CCDC7: variants seen among roughly 807,000 people sequenced by gnomAD.
CCDC7 encodes coiled-coil domain-containing protein 7.
CCDC7 carries 183 observed loss-of-function variants against 196.9 expected under a neutral mutation model. The observed-to-expected ratio is 0.93, with a 90% CI of 0.82 to 1.05. CCDC7 has a LOEUF of 1.05. Among genes scored for constraint, CCDC7 ranks in the 50% least tolerant of loss-of-function variants. CCDC7 has a pLI of 0.00. For missense variants in CCDC7, 1,540 were observed against 1,482.2 expected (o/e 1.04, Z -0.64); for synonymous variants, 525 against 484.6 (o/e 1.08, Z -1.10).
intron 33 of CCDC7, among the ~76,000 whole-genome samples, chr10:32,836,868 C>A (rs981676081): frequency 1.4e-4 from 22 of 152,146 alleles, no homozygotes; most frequent in African/African-American, 5.3e-4. Context: ...ACTGGCTAGC[C>A]ATATGTAGAA....
At chr10:32,635,655 A>G (rs564200234) in intron 20 of CCDC7, among the ~76,000 whole-genome samples, 36 of 152,122 alleles carry the variant, frequency 2.4e-4, no homozygotes, top group Non-Finnish European at 4.4e-4. Flanking sequence ...CAAAACAAAC[A>G]AACAAACAAA....
chr10:32,771,046 T>G (rs943298873), intron 28 of CCDC7, among the ~76,000 whole-genome samples: 8 of 152,196 alleles, frequency 5.3e-5, no homozygotes, highest in African/African-American at 1.9e-4. Context: ...ATTCTGAATA[T>G]TTTAAGTGGA....
At chr10:32,851,721 T>C in intron 39 of CCDC7, 86 bp from the exon 41 acceptor site, 5 of 1,236,592 alleles carry the variant, frequency 4.0e-6, no homozygotes, top group Non-Finnish European at 5.7e-6. Flanking sequence ...TGCTTTGATG[T>C]TGTGTGCATA....
At chr10:32,591,678 A>G (rs2059796264) in intron 18 of CCDC7, among the ~76,000 whole-genome samples, 1 of 152,170 alleles carries the variant, frequency 6.6e-6, no homozygotes, top group African/African-American at 2.4e-5. Context: ...TAAAAGGCAG[A>G]GGAGTCTCAC....
chr10:32,759,614 C>T (rs1026604281), intron 28 of CCDC7, among the ~76,000 whole-genome samples: 3 of 152,044 alleles, frequency 2.0e-5, no homozygotes, highest in Non-Finnish European at 4.4e-5. Flanking sequence ...TAAAGACTTA[C>T]ATGGTAGACC....
chr10:32,546,169 G>A (rs1241059457), intron 13 of CCDC7, among the ~76,000 whole-genome samples: 3 of 152,136 alleles, frequency 2.0e-5, no homozygotes, highest in Non-Finnish European at 4.4e-5. Context: ...TTTATGAAAG[G>A]ATTCTGTAAG....
chr10:32,592,969 T>A (rs2137913289), intron 18 of CCDC7, among the ~76,000 whole-genome samples: 1 of 152,362 alleles, frequency 6.6e-6, no homozygotes, highest in South Asian at 2.1e-4. Context: ...TTTGGTTGGT[T>A]CCAAGTCTTT....
chr10:32,661,387 G>C (rs1048070454), intron 20 of CCDC7, among the ~76,000 whole-genome samples: 2 of 151,870 alleles, frequency 1.3e-5, no homozygotes, highest in African/African-American at 4.8e-5. Flanking sequence ...CTGTAAACTA[G>C]TTCAACCATT....
intron 20 of CCDC7, among the ~76,000 whole-genome samples, chr10:32,646,908 C>T (rs7924198): frequency 0.14 from 21,039 of 152,156 alleles, 1,761 homozygotes; most frequent in East Asian, 0.25. Context: ...GCAAAGGACA[C>T]GATCTCATTC....
intron 18 of CCDC7, among the ~76,000 whole-genome samples, chr10:32,596,638 A>T (rs1288401485): frequency 1.3e-5 from 2 of 152,224 alleles, no homozygotes; most frequent in Non-Finnish European, 2.9e-5. Context: ...GACGATCTTT[A>T]CAATTTGGCA....
chr10:32,730,115 A>C (rs1186896060), intron 28 of CCDC7, among the ~76,000 whole-genome samples: 2 of 151,974 alleles, frequency 1.3e-5, no homozygotes, highest in African/African-American at 4.8e-5. Context: ...TAAGCCCAGC[A>C]CCCATTAGCT....
chr10:32,476,624 A>G (rs1416692230), intron 8 of CCDC7, among the ~76,000 whole-genome samples: 1 of 152,252 alleles, frequency 6.6e-6, no homozygotes, highest in Non-Finnish European at 1.5e-5. Context: ...TAGCATTATA[A>G]GAAACTGCCA....
At chr10:32,525,413 TC>T (rs1184025473) in intron 11 of CCDC7, among the ~76,000 whole-genome samples, 4 of 152,228 alleles carry the variant, frequency 2.6e-5, no homozygotes, top group Admixed American at 2.6e-4. Context: ...AATATTTTAA[TC>T]TCTTTGTTAA....
chr10:32,520,080 C>T (rs964737917), intron 11 of CCDC7, among the ~76,000 whole-genome samples: 2 of 152,034 alleles, frequency 1.3e-5, no homozygotes, highest in Non-Finnish European at 2.9e-5. Flanking sequence ...AGTACTCCAT[C>T]GTGTATGAGT....
chr10:32,687,759 G>A (rs2076624748), intron 22 of CCDC7, among the ~76,000 whole-genome samples: 1 of 152,154 alleles, frequency 6.6e-6, no homozygotes, highest in African/African-American at 2.4e-5. Flanking sequence ...TTTGAAAGCT[G>A]AGACTTCTGG....
In CCDC7 at chr10:32,674,641, T is replaced by G. The variant is rs974229527; in HGVS notation, c.2122+10480T>G. Among the ~76,000 whole-genome samples the G allele has an allele frequency of 2.6e-5, 4 of 152,214 alleles. No individual in the cohort carries two copies. In the South Asian group the frequency reaches 8.3e-4, roughly 32 times the overall value. On this transcript the variant is annotated intron_variant, in intron 21 of 41. Coordinates refer to ENST00000639629, the Ensembl canonical transcript of CCDC7. ...GTTCAGATCTGTTGTTTATTGATTT[T>G]CTGTTTGGATGATCTATCCATTTTT...
chr10:32,668,720 C>T (rs898371085), intron 21 of CCDC7, among the ~76,000 whole-genome samples: 5 of 152,032 alleles, frequency 3.3e-5, no homozygotes, highest in African/African-American at 4.8e-5. Context: ...AGGGATGAAG[C>T]CCACTTGATC....
At chr10:32,670,176 T>A (rs1256980458) in intron 21 of CCDC7, among the ~76,000 whole-genome samples, 1 of 152,120 alleles carries the variant, frequency 6.6e-6, no homozygotes, top group Non-Finnish European at 1.5e-5. Flanking sequence ...TCTTTCTTTA[T>A]AATGAAGACA....
chr10:32,607,445 G>C (rs1310076439), intron 18 of CCDC7, among the ~76,000 whole-genome samples: 1 of 152,102 alleles, frequency 6.6e-6, no homozygotes, highest in Admixed American at 6.5e-5. Context: ...TCCCCATTCA[G>C]TATAATGTTA....
Sources: allele counts gnomAD v4.1 joint callset (sites outside exome capture counted in the v4.1 genomes callset), GRCh38; gene constraint gnomAD v4.1.1; transcripts MANE v1.5; gene names NCBI Gene and HGNC (gene_info 2026-07-23, HGNC 2026-07-21).